Variants in LRBA observed in about 807,000 individuals in gnomAD.
The protein encoded by LRBA is lipopolysaccharide-responsive and beige-like anchor protein.
In LRBA, 176 loss-of-function variants were observed where a neutral mutation model predicts 330.0. The observed-to-expected ratio is 0.53, with a 90% CI of 0.47 to 0.60. The LOEUF is 0.60. LRBA is among the 20% of genes least tolerant of loss of function. LRBA has a pLI of 0.00. For synonymous variants in LRBA, 1,230 were observed against 1,193.0 expected, an observed-to-expected ratio of 1.03 and a Z score of -0.64; for missense variants, 3,259 against 3,444.8, an observed-to-expected ratio of 0.95 and a Z score of 1.35.
chr4:150,955,858 C>G (rs1483346531), intron 2 of LRBA, among the ~76,000 whole-genome samples: 2 of 148,160 alleles, frequency 1.3e-5, no homozygotes, highest in Non-Finnish European at 2.9e-5. Flanking sequence ...TGCCACTGCA[C>G]TCCAGCCTGG....
chr4:150,882,415 G>A (rs1000880715), intron 17 of LRBA, among the ~76,000 whole-genome samples: 8 of 152,012 alleles, frequency 5.3e-5, no homozygotes, highest in Admixed American at 4.6e-4. Context: ...ATCCTGTAGT[G>A]CTTCAATGAA....
chr4:150,612,375 T>C (rs896946808), intron 37 of LRBA, among the ~76,000 whole-genome samples: 25 of 152,250 alleles, frequency 1.6e-4, no homozygotes, highest in Non-Finnish European at 3.1e-4. Context: ...GAAAAATATA[T>C]ATACTGTACT....
At chr4:150,836,399 G>A (rs932790328) in intron 28 of LRBA, among the ~76,000 whole-genome samples, 11 of 152,190 alleles carry the variant, frequency 7.2e-5, no homozygotes, top group Admixed American at 6.5e-5. Context: ...CTTGCACCTC[G>A]GGTGGAATTC....
chr4:150,648,361 G>A lies in LRBA; in HGVS notation c.5921+35190C>T, dbSNP rs569260662. On this transcript the variant is annotated intron_variant, in intron 37 of 56. Coordinates refer to ENST00000651943, the MANE Select transcript of LRBA (RefSeq NM_001364905.1). The stretch of plus-strand genomic sequence containing the variant: ...CAGCAAGAGGCTGACGGATGAACAG[G>A]TTGAGGCCGCAGAAAGTTCAAGATC... 6.6e-5 allele frequency among the ~76,000 whole-genome samples: 10 copies of A among 151,918 alleles called. No homozygotes were observed. The South Asian group carries it at 1.7e-3, about 25-fold the overall frequency.
At chr4:150,533,413 A>G (rs1020915247) in intron 40 of LRBA, among the ~76,000 whole-genome samples, 12 of 152,032 alleles carry the variant, frequency 7.9e-5, no homozygotes, top group Admixed American at 3.9e-4. Flanking sequence ...AGCTCAAGCA[A>G]TCTGTCTCCT....
intron 34 of LRBA, among the ~76,000 whole-genome samples, chr4:150,781,866 T>C (rs935484451): frequency 5.9e-5 from 9 of 152,196 alleles, no homozygotes; most frequent in African/African-American, 1.9e-4. Flanking sequence ...CAACAGTGCC[T>C]AATTCAATTT....
At chr4:150,544,178 A>C (rs1423820412) in intron 40 of LRBA, among the ~76,000 whole-genome samples, 1 of 150,680 alleles carries the variant, frequency 6.6e-6, no homozygotes, top group African/African-American at 2.4e-5. Flanking sequence ...CCCAGACTGG[A>C]GTGCAGTGGT....
chr4:150,913,883 T>C (rs2149486048), intron 9 of LRBA, among the ~76,000 whole-genome samples: 1 of 152,336 alleles, frequency 6.6e-6, no homozygotes, highest in African/African-American at 2.4e-5. Flanking sequence ...TATTTGTGGG[T>C]ACATTTTAGG....
chr4:150,809,952 C>G (rs1047124046), intron 31 of LRBA, among the ~76,000 whole-genome samples: 3 of 151,942 alleles, frequency 2.0e-5, no homozygotes, highest in Non-Finnish European at 4.4e-5. Context: ...TGCTTCACAC[C>G]ACTCCCAGAA....
At position 150,420,376 on chromosome 4, in the gene LRBA, T is replaced by TGC. The variant is rs1561150801; in HGVS notation, c.7042-4787_7042-4786insGC. 6.0e-5 allele frequency among the ~76,000 whole-genome samples: 8 copies of TGC among 133,300 alleles called. No homozygotes were observed. In the East Asian group the frequency reaches 1.1e-3, roughly 19 times the overall value. The allele number at this position is 133,300 out of a possible 152,430, so 87.4% of individuals were successfully genotyped here. A position where few individuals can be genotyped will look rare whatever the true frequency, so the allele number is the denominator to read the frequency against. On this transcript the variant is annotated intron_variant, in intron 46 of 56. Transcript: ENST00000651943. ...ACATTATAGTATAAAGTATATATAA[T>TGC]ACACATTATAGTATATATAAAGTAT...
intron 22 of LRBA, among the ~76,000 whole-genome samples, chr4:150,859,310 A>C (rs1034367969): frequency 6.6e-6 from 1 of 152,194 alleles, no homozygotes; most frequent in African/African-American, 2.4e-5. Context: ...CTAAGGTGTT[A>C]GTTTTATGTG....
chr4:150,488,431 A>T (rs1758152859), intron 41 of LRBA, among the ~76,000 whole-genome samples: 1 of 151,642 alleles, frequency 6.6e-6, no homozygotes, highest in Admixed American at 6.6e-5. Flanking sequence ...GATCTGAAGG[A>T]ACATTTTTCC....
chr4:150,562,431 G>A (rs1282398753), intron 40 of LRBA, among the ~76,000 whole-genome samples: 1 of 152,122 alleles, frequency 6.6e-6, no homozygotes, highest in East Asian at 1.9e-4. Context: ...ATTGCTATGG[G>A]CAACTATGAT....
chr4:150,282,596 C>T lies in LRBA; in HGVS notation c.8170G>A (p.Glu2724Lys), dbSNP rs1376055390. 6.2e-7 allele frequency: 1 copy of T among 1,614,014 alleles called. No individual in the cohort carries two copies. The highest frequency in any genetic ancestry group is 2.2e-5 in the East Asian group (1 of 44,874). The change falls in exon 55 of 57, where the codon GAG (glutamate) becomes AAG (lysine). Residue 2724 changes from glutamate to lysine, a missense_variant. Transcript: ENST00000651943. ...GGTTTCAGGCAGTTTTCAGGACCCT[C>T]CAAGGTCCTCAACAAGTCTCCATTC... ...SMNGDLLRTLEGPENCLKPKL... is the reference protein window; with the variant it reads ...SMNGDLLRTLKGPENCLKPKL...
chr4:150,405,486 C>T lies in LRBA; in HGVS notation c.7194+9952G>A, dbSNP rs114323403. Reference sequence around the variant, plus strand: ...TTCCATTCCTAGATGATGCTGAGTACCTGATGCACTCTTCTGATGCCATTT... The same window carrying T: ...TTCCATTCCTAGATGATGCTGAGTATCTGATGCACTCTTCTGATGCCATTT... On this transcript the variant is annotated intron_variant, in intron 47 of 56. Transcript: ENST00000651943. Among the ~76,000 whole-genome samples the T allele has an allele frequency of 2.2e-3, 342 of 152,212 alleles. 1 individual carries two copies. The highest frequency in any genetic ancestry group is 7.7e-3 in the African/African-American group (319 of 41,552).
At chr4:150,331,098 G>A (rs1479870448) in intron 48 of LRBA, among the ~76,000 whole-genome samples, 1 of 152,102 alleles carries the variant, frequency 6.6e-6, no homozygotes, top group Non-Finnish European at 1.5e-5. Context: ...TGGAGGATAG[G>A]ACAACACTCC....
At chr4:150,324,811 G>A (rs1220743382) in intron 49 of LRBA, among the ~76,000 whole-genome samples, 1 of 152,070 alleles carries the variant, frequency 6.6e-6, no homozygotes, top group African/African-American at 2.4e-5. Context: ...ACAGCAATGA[G>A]CAACTTCTTT....
At chr4:150,634,965 C>T (rs1049272322) in intron 37 of LRBA, among the ~76,000 whole-genome samples, 1 of 152,174 alleles carries the variant, frequency 6.6e-6, no homozygotes, top group African/African-American at 2.4e-5. Context: ...GTTGACCTCT[C>T]AGGGAAAGGC....
intron 34 of LRBA, among the ~76,000 whole-genome samples, chr4:150,762,092 G>A (rs915952143): frequency 2.6e-5 from 4 of 151,822 alleles, no homozygotes; most frequent in African/African-American, 9.7e-5. Context: ...TACATAACAC[G>A]ATATACTAAT....
Sources: gnomAD v4.1 joint callset for allele counts (sites outside exome capture counted in the v4.1 genomes callset) on GRCh38, gnomAD v4.1.1 for gene constraint, MANE v1.5 for transcripts, NCBI Gene and HGNC (gene_info 2026-07-23, HGNC 2026-07-21) for gene names.